Variants in SAMD5 observed in about 807,000 individuals in gnomAD.
The protein encoded by SAMD5 is sterile alpha motif domain-containing protein 5.
In SAMD5, 13 loss-of-function variants were observed where a neutral mutation model predicts 11.3. The ratio of observed to expected loss-of-function variants is 1.15; its 90% confidence interval spans 0.75 to 1.83. The LOEUF is 1.83. Ranked by LOEUF, SAMD5 falls within the 40% of genes most tolerant of loss-of-function variation. The pLI is 0.00. For missense variants in SAMD5, 255 were observed against 239.1 expected (o/e 1.07, Z -0.44); for synonymous variants, 129 against 111.3 (o/e 1.16, Z -1.00).
At chr6:147,534,796 C>G (rs563421977) in intron 1 of SAMD5, among the ~76,000 whole-genome samples, 1 of 152,262 alleles carries the variant, frequency 6.6e-6, no homozygotes, top group East Asian at 1.9e-4. Context: ...TCTTGGTCAC[C>G]TCTATCTGCA....
the SAMD5 span, among the ~76,000 whole-genome samples, chr6:147,770,572 T>A: frequency 2.0e-5 from 3 of 152,240 alleles, no homozygotes; most frequent in African/African-American, 4.8e-5. Context: ...CCATTACAAT[T>A]GTTTTGAAAT....
At position 147,682,300 on chromosome 6, in the gene SAMD5, T is replaced by A. The variant is rs190033243; in HGVS notation, c.163-55017T>A. ...ATGTTAAAAACTTGTTTCATAGATT[T>A]TGTCTGGTTTGTAGTCATTTCAAGT... is the stretch of plus-strand genomic sequence containing the variant. On this transcript the variant is annotated intron_variant, in intron 1 of 1. Coordinates refer to the SAMD5 transcript ENST00000566741. Among the ~76,000 whole-genome samples, 6 of 152,344 alleles carry A rather than the reference T, an allele frequency of 3.9e-5. No individual in the cohort carries two copies. The East Asian group carries it at 7.7e-4, about 20-fold the overall frequency.
chr6:147,577,546 ATC>A (rs1268465687), intron 1 of SAMD5, among the ~76,000 whole-genome samples: 1 of 151,966 alleles, frequency 6.6e-6, no homozygotes, highest in African/African-American at 2.4e-5. Flanking sequence ...AATTGAATAT[ATC>A]TCTTTTAGCC....
intron 1 of SAMD5, among the ~76,000 whole-genome samples, chr6:147,582,228 G>C (rs1423119826): frequency 6.6e-6 from 1 of 151,956 alleles, no homozygotes; most frequent in Non-Finnish European, 1.5e-5. Context: ...GCATGGTGGT[G>C]CGCACCTGTA....
the SAMD5 span, among the ~76,000 whole-genome samples, chr6:147,925,560 T>C: frequency 6.6e-6 from 1 of 152,118 alleles, no homozygotes; most frequent in Non-Finnish European, 1.5e-5. Flanking sequence ...CCCTATGTTT[T>C]TGAAATTCTC....
At chr6:147,617,556 T>C (rs564759891) in intron 1 of SAMD5, among the ~76,000 whole-genome samples, 1 of 152,360 alleles carries the variant, frequency 6.6e-6, no homozygotes, top group East Asian at 1.9e-4. Flanking sequence ...AAATGGAAAT[T>C]GCTGCATCAG....
chr6:147,713,984 T>A (rs1006663443), intron 1 of SAMD5, among the ~76,000 whole-genome samples: 3 of 152,154 alleles, frequency 2.0e-5, no homozygotes, highest in Non-Finnish European at 2.9e-5. Flanking sequence ...GGTCTGTATT[T>A]TTACTTCTGT....
At chr6:147,805,104 T>C in the SAMD5 span, among the ~76,000 whole-genome samples, 38 of 152,222 alleles carry the variant, frequency 2.5e-4, no homozygotes, top group Admixed American at 3.3e-4. Context: ...CCTCTTCAAA[T>C]GGGGTTTATT....
the SAMD5 span, among the ~76,000 whole-genome samples, chr6:147,852,282 C>T: frequency 1.7e-3 from 256 of 152,102 alleles, 1 homozygote; most frequent in African/African-American, 5.5e-3. Context: ...ATGGATACCT[C>T]AACTTATGGT....
the SAMD5 span, among the ~76,000 whole-genome samples, chr6:147,952,525 TTTC>T: frequency 1.1e-4 from 16 of 152,198 alleles, no homozygotes; most frequent in African/African-American, 2.9e-4. Context: ...TGTTTGTTTG[TTTC>T]GAGACAGAGT....
the SAMD5 span, among the ~76,000 whole-genome samples, chr6:147,903,948 C>T: frequency 6.6e-6 from 1 of 151,828 alleles, no homozygotes; most frequent in African/African-American, 2.4e-5. Flanking sequence ...ACTTAATATT[C>T]TAACAGGCAT....
At chr6:147,722,880 C>T (rs1583153836) in intron 1 of SAMD5, among the ~76,000 whole-genome samples, 1 of 152,128 alleles carries the variant, frequency 6.6e-6, no homozygotes, top group East Asian at 1.9e-4. Flanking sequence ...TATGTTGGGC[C>T]TGGGTTTTGT....
the SAMD5 span, among the ~76,000 whole-genome samples, chr6:147,841,328 C>A: frequency 2.1e-4 from 32 of 152,126 alleles, no homozygotes; most frequent in South Asian, 6.2e-4. Context: ...AAACTGGGAA[C>A]AACAAAGAAG....
At chr6:147,550,042 T>G (rs1191356452) in intron 1 of SAMD5, among the ~76,000 whole-genome samples, 1 of 151,244 alleles carries the variant, frequency 6.6e-6, no homozygotes, top group Non-Finnish European at 1.5e-5. Flanking sequence ...CCCAGGATTT[T>G]GAGACTAGCC....
intron 1 of SAMD5, among the ~76,000 whole-genome samples, chr6:147,709,327 G>C (rs1583148323): frequency 6.6e-6 from 1 of 152,298 alleles, no homozygotes. Context: ...CTACTTTGAT[G>C]CAACATGTTT....
At chr6:147,525,988 C>T (rs1788333253) in intron 1 of SAMD5, among the ~76,000 whole-genome samples, 1 of 152,050 alleles carries the variant, frequency 6.6e-6, no homozygotes, top group Non-Finnish European at 1.5e-5. Flanking sequence ...TTTGGATATA[C>T]CACAGAGACC....
At chr6:147,878,191 G>A in the SAMD5 span, among the ~76,000 whole-genome samples, 6 of 152,110 alleles carry the variant, frequency 3.9e-5, no homozygotes, top group Admixed American at 3.3e-4. Context: ...CAGGGGCTGG[G>A]AAGTCCAAGA....
intron 1 of SAMD5, among the ~76,000 whole-genome samples, chr6:147,721,743 C>T (rs1223483589): frequency 1.3e-5 from 2 of 152,134 alleles, no homozygotes; most frequent in Non-Finnish European, 2.9e-5. Flanking sequence ...GTTGCCATTG[C>T]TAAGACTTTA....
chr6:147,628,580 T>C (rs1442155858), intron 1 of SAMD5, among the ~76,000 whole-genome samples: 1 of 152,248 alleles, frequency 6.6e-6, no homozygotes, highest in African/African-American at 2.4e-5. Flanking sequence ...AGAGGTTATC[T>C]TGATATTCTC....
Sources: allele counts gnomAD v4.1 joint callset (sites outside exome capture counted in the v4.1 genomes callset), GRCh38; gene constraint gnomAD v4.1.1; transcripts MANE v1.5; gene names NCBI Gene and HGNC (gene_info 2026-07-23, HGNC 2026-07-21).